Variants in PLA2G2A observed in about 807,000 individuals in gnomAD.
The protein encoded by PLA2G2A is phospholipase A2 group IIA.
Under a neutral mutation model 11.2 loss-of-function variants are expected in PLA2G2A, and 6 were observed. The observed-to-expected ratio is 0.54, with a 90% confidence interval of 0.29 to 1.06. The LOEUF is 1.06. Ranked by LOEUF, PLA2G2A falls within the 50% of genes least tolerant of loss-of-function variation. The pLI is 0.08. For missense variants in PLA2G2A, 133 were observed against 177.1 expected (o/e 0.75, Z 1.41); for synonymous variants, 69 against 65.8 (o/e 1.05, Z -0.23).
At chr1:19,978,551 G>A (rs1219207179) in intron 2 of PLA2G2A, 27 bp from the exon 3 acceptor site, 2 of 1,612,938 alleles carry the variant, frequency 1.2e-6, no homozygotes, top group Non-Finnish European at 8.5e-7. Flanking sequence ...GAGTTGTCTG[G>A]TGATGGGGCA....
chr1:19,979,613 C>T (rs551224695), exon 1 of PLA2G2A: 4 of 152,550 alleles, frequency 2.6e-5, no homozygotes, highest in South Asian at 2.1e-4. Context: ...ATCCCCAGGC[C>T]GTCTTGTTTG....
At position 19,975,923 on chromosome 1, in the gene PLA2G2A, A is replaced by G. The variant is rs150897496; in HGVS notation, c.293-80T>C. The G allele has an allele frequency of 4.9e-4, 610 of 1,235,994 alleles. 1 individual carries two copies. The African/African-American group carries it at 7.0e-3, about 14-fold the overall frequency. 76.6% of individuals were successfully genotyped at this position (1,235,994 alleles called of 1,614,324 possible). The stretch of plus-strand genomic sequence containing the variant: ...TCTTGTGGGAACCCTGGGGTAGAAG[A>G]CACAGCCCTGTCCTCCAGAAGCTCC... On this transcript the variant is annotated intron_variant, in intron 4 of 4. Transcript: ENST00000482011.
At chr1:19,977,045 G>T (rs570262475) in intron 4 of PLA2G2A, among the ~76,000 whole-genome samples, 1 of 152,140 alleles carries the variant, frequency 6.6e-6, no homozygotes, top group Admixed American at 6.5e-5. Flanking sequence ...CCTTTAAACA[G>T]CAAATGAGTG....
chr1:19,978,591 T>C, intron 2 of PLA2G2A, 67 bp from the exon 3 acceptor site: 1 of 1,602,832 alleles, frequency 6.2e-7, no homozygotes, highest in Non-Finnish European at 8.5e-7. Context: ...TCTCTGCCCC[T>C]CTCTGCTACT....
rs113302620 is a variant in PLA2G2A, at chr1:19,978,157, C to T, written c.186-36G>A. The T allele has an allele frequency of 1.1e-3, 1,612 of 1,503,418 alleles. 13 individuals are homozygous for T. In the African/African-American group the frequency reaches 0.014, roughly 13 times the overall value. The allele number at this position is 1,503,418 out of a possible 1,614,324, so 93.1% of individuals were successfully genotyped here. A position where few individuals can be genotyped will look rare whatever the true frequency, so the allele number is the denominator to read the frequency against. ...ACACCCTGTTGGGGCTCTTGTCCCA[C>T]AGCTCCAGGAGGCCTGGTGCCTGTG... On this transcript the variant is annotated intron_variant, in intron 3 of 4. Coordinates refer to ENST00000482011, the Ensembl canonical transcript of PLA2G2A.
chr1:19,978,847 C>A, exon 2 of PLA2G2A: 1 of 1,410,300 alleles, frequency 7.1e-7, no homozygotes, highest in South Asian at 1.2e-5. Flanking sequence ...ACTTCTGCCC[C>A]GGCCGTCGCT....
intron 4 of PLA2G2A, among the ~76,000 whole-genome samples, chr1:19,976,310 G>C (rs886693072): frequency 7.9e-5 from 12 of 152,208 alleles, no homozygotes; most frequent in Non-Finnish European, 1.2e-4. Flanking sequence ...TCCAAAAAGA[G>C]AGATGCCCAA....
intron 1 of PLA2G2A, 136 bp from the exon 2 acceptor site, chr1:19,979,015 C>G: frequency 1.8e-6 from 1 of 569,124 alleles, no homozygotes. Flanking sequence ...ACCTCCTGAC[C>G]CGTTCCCAGC....
chr1:19,979,517 C>T (rs919181602), intron 1 of PLA2G2A, 63 bp downstream of exon 1: 1 of 152,962 alleles, frequency 6.5e-6, no homozygotes, highest in Admixed American at 6.5e-5. Context: ...CAGCCACTCT[C>T]AAAGGCAGCG....
exon 4 of PLA2G2A, chr1:19,978,034 C>T (rs764670008): frequency 3.8e-5 from 61 of 1,609,786 alleles, no homozygotes; most frequent in Admixed American, 1.0e-4. Context: ...TTCTGCTCCC[C>T]GAGTTGCTAA....
At chr1:19,975,979 AT>A in intron 4 of PLA2G2A, 136 bp from the exon 5 acceptor site, 1 of 756,060 alleles carries the variant, frequency 1.3e-6, no homozygotes, top group Non-Finnish European at 2.3e-6. Context: ...CGCTCCAGAT[AT>A]TTCTGACCAA....
At chr1:19,977,312 C>T (rs2046234180) in intron 4 of PLA2G2A, among the ~76,000 whole-genome samples, 1 of 152,202 alleles carries the variant, frequency 6.6e-6, no homozygotes, top group Non-Finnish European at 1.5e-5. Flanking sequence ...CCCCATCCCT[C>T]CCAACTCAGT....
chr1:19,975,470 C>G (rs189084413), downstream of PLA2G2A: 4 of 585,310 alleles, frequency 6.8e-6, no homozygotes, highest in Non-Finnish European at 1.2e-5. Flanking sequence ...AGAGACCCCC[C>G]GGAGTACAGC....
chr1:19,978,430 G>A (rs775203755), exon 3 of PLA2G2A: 1 of 1,612,308 alleles, frequency 6.2e-7, no homozygotes. Flanking sequence ...CACAGTGGCA[G>A]CCGTAGAAGC....
At chr1:19,976,794 C>T (rs1571224083) in intron 4 of PLA2G2A, among the ~76,000 whole-genome samples, 1 of 152,152 alleles carries the variant, frequency 6.6e-6, no homozygotes, top group African/African-American at 2.4e-5. Context: ...TCTTTATTTG[C>T]CTTCCCATCA....
intron 1 of PLA2G2A, chr1:19,979,111 C>A (rs1317898486): frequency 1.1e-5 from 4 of 369,304 alleles, no homozygotes; most frequent in Non-Finnish European, 2.0e-5. Context: ...TGTACCTCAT[C>A]AGACTGAGAG....
chr1:19,978,332 C>A, intron 3 of PLA2G2A, 48 bp downstream of exon 3: 1 of 1,598,564 alleles, frequency 6.3e-7, no homozygotes, highest in Admixed American at 1.7e-5. Flanking sequence ...GCTCCCAGCC[C>A]TGCCTGGGCC....
upstream of PLA2G2A, chr1:19,980,262 C>T (rs2046281637): frequency 6.6e-6 from 1 of 152,198 alleles, no homozygotes. Context: ...TTCTTTTCCT[C>T]CACCCCTGTC....
Position 19,979,216 on chromosome 1 carries a change from C to T in PLA2G2A, c.-106-337G>A, listed in dbSNP as rs752676528. ...TCGCTAGACATAGCTTGCATATCCC[C>T]ACACTGGATTCAAGGCTTGGAGTCT... On this transcript the variant is annotated intron_variant, in intron 1 of 4. Transcript: ENST00000482011. The T allele has an allele frequency of 1.3e-5, 3 of 224,544 alleles. No homozygotes were observed. In the South Asian group the frequency reaches 2.3e-4, roughly 17 times the overall value. 13.9% of individuals were successfully genotyped at this position (224,544 alleles called of 1,614,324 possible).
Sources: allele counts gnomAD v4.1 joint callset (sites outside exome capture counted in the v4.1 genomes callset), GRCh38; gene constraint gnomAD v4.1.1; transcripts MANE v1.5; gene names NCBI Gene and HGNC (gene_info 2026-07-23, HGNC 2026-07-21).